PDE4D: variants seen among roughly 807,000 people sequenced by gnomAD.
PDE4D encodes the protein phosphodiesterase 4D, also known as 3',5'-cyclic-AMP phosphodiesterase 4D.
In PDE4D, 24 loss-of-function variants were observed where a neutral mutation model predicts 87.4. That is an observed-to-expected ratio of 0.27 (90% CI 0.20 to 0.39). The LOEUF (loss-of-function observed/expected upper bound fraction) is 0.39, where lower values mean the gene tolerates loss of function less well. Among genes scored for constraint, PDE4D ranks in the 10% least tolerant of loss-of-function variants. The pLI, the probability that PDE4D is intolerant of heterozygous loss-of-function variation, is 1.00. For missense variants in PDE4D, 714 were observed against 1,041.0 expected (o/e 0.69, Z 4.32); for synonymous variants, 384 against 383.2 (o/e 1.00, Z -0.02).
At chr5:59,801,573 AC>A (rs1447734427) in intron 1 of PDE4D, among the ~76,000 whole-genome samples, 3 of 152,198 alleles carry the variant, frequency 2.0e-5, no homozygotes, top group Non-Finnish European at 4.4e-5. Flanking sequence ...TCTTCATATG[AC>A]TGAAATCAAT....
intron 1 of PDE4D, among the ~76,000 whole-genome samples, chr5:59,541,141 T>G (rs549308498): frequency 1.2e-4 from 18 of 152,250 alleles, no homozygotes; most frequent in Non-Finnish European, 2.6e-4. Context: ...ACTAGGCTCT[T>G]TTAGGATGGA....
chr5:59,015,826 T>C (rs1189406410), intron 6 of PDE4D, among the ~76,000 whole-genome samples: 1 of 152,162 alleles, frequency 6.6e-6, no homozygotes, highest in Non-Finnish European at 1.5e-5. Flanking sequence ...CATTCACATG[T>C]ATGTTTACTG....
chr5:59,056,500 G>T (rs949374401), intron 5 of PDE4D, among the ~76,000 whole-genome samples: 3 of 152,024 alleles, frequency 2.0e-5, no homozygotes, highest in Non-Finnish European at 4.4e-5. Context: ...TATTACATAG[G>T]TATACATGTG....
At chr5:60,430,525 T>TG (rs1250732802) in intron 1 of PDE4D, among the ~76,000 whole-genome samples, 40 of 121,980 alleles carry the variant, frequency 3.3e-4, no homozygotes, top group African/African-American at 1.5e-3. Flanking sequence ...TTCTTTTTTG[T>TG]TTGTGTTTTG....
At chr5:59,649,817 C>A (rs1466726174) in intron 1 of PDE4D, among the ~76,000 whole-genome samples, 1 of 148,028 alleles carries the variant, frequency 6.8e-6, no homozygotes, top group African/African-American at 2.5e-5. Flanking sequence ...GACACAGTTC[C>A]ATTCTACATA....
In PDE4D at chr5:59,425,505, G is replaced by C. The variant is rs562945586; in HGVS notation, c.456-209537C>G. On this transcript the variant is annotated intron_variant, in intron 1 of 14. Transcript: ENST00000340635. ...CCCTAGACATTGCCAAATGTCCCCT[G>C]CATGAGAGGTGGAGGGTAGAATTGC... 5.3e-5 allele frequency among the ~76,000 whole-genome samples: 8 copies of C among 152,188 alleles called. No individual in the cohort carries two copies. The South Asian group carries it at 6.2e-4, about 12-fold the overall frequency.
chr5:59,731,274 C>T (rs1757324990), intron 1 of PDE4D, among the ~76,000 whole-genome samples: 1 of 151,984 alleles, frequency 6.6e-6, no homozygotes, highest in South Asian at 2.1e-4. Context: ...AGACACCATC[C>T]CTTCCTACTT....
chr5:60,395,183 C>T (rs1220329331), intron 1 of PDE4D, among the ~76,000 whole-genome samples: 2 of 152,170 alleles, frequency 1.3e-5, no homozygotes, highest in Non-Finnish European at 2.9e-5. Flanking sequence ...CCCTCCACCA[C>T]TGAGTTACAA....
intron 3 of PDE4D, among the ~76,000 whole-genome samples, chr5:59,960,666 C>T (rs1327518889): frequency 3.9e-5 from 6 of 151,996 alleles, no homozygotes; most frequent in Non-Finnish European, 7.4e-5. Flanking sequence ...TGCATACACA[C>T]ATACATAACG....
chr5:59,183,606 A>C (rs1742199424), intron 4 of PDE4D, among the ~76,000 whole-genome samples: 1 of 152,170 alleles, frequency 6.6e-6, no homozygotes, highest in Non-Finnish European at 1.5e-5. Flanking sequence ...ACAACCAGTT[A>C]ACTTCATTTC....
At chr5:59,226,701 C>T (rs1052117238) in intron 1 of PDE4D, among the ~76,000 whole-genome samples, 3 of 152,174 alleles carry the variant, frequency 2.0e-5, no homozygotes, top group Admixed American at 1.3e-4. Flanking sequence ...ATGGCCCTAA[C>T]ATGAGGCCAT....
At position 59,291,665 on chromosome 5, in the gene PDE4D, T is replaced by A. The variant is rs27395; in HGVS notation, c.456-75697A>T. Among the ~76,000 whole-genome samples, 3 of 150,950 alleles carry A rather than the reference T, an allele frequency of 2.0e-5. No individual in the cohort carries two copies. In the East Asian group the frequency reaches 5.9e-4, roughly 30 times the overall value. ...GATGTGATTATTATGCATTGTATGT[T>A]TGTATGTATTCCACAAATATATACA... On this transcript the variant is annotated intron_variant, in intron 1 of 14. Coordinates refer to ENST00000340635, the MANE Select transcript of PDE4D (RefSeq NM_001104631.2).
At chr5:59,688,918 A>C (rs1383395693) in intron 1 of PDE4D, among the ~76,000 whole-genome samples, 1 of 152,334 alleles carries the variant, frequency 6.6e-6, no homozygotes, top group East Asian at 1.9e-4. Flanking sequence ...AATACAAACT[A>C]CTATCAGAGA....
At chr5:59,797,291 C>T (rs1057450316) in intron 1 of PDE4D, among the ~76,000 whole-genome samples, 66 of 152,276 alleles carry the variant, frequency 4.3e-4, no homozygotes, top group African/African-American at 1.5e-3. Context: ...CATGGACATG[C>T]CAAAAGGCAA....
At chr5:60,370,187 G>C (rs1301963162) in intron 1 of PDE4D, among the ~76,000 whole-genome samples, 1 of 152,104 alleles carries the variant, frequency 6.6e-6, no homozygotes, top group African/African-American at 2.4e-5. Context: ...TCCTGCCCCA[G>C]AGGCCTCTGG....
At chr5:60,007,692 T>C (rs1764625418) in intron 2 of PDE4D, among the ~76,000 whole-genome samples, 1 of 152,040 alleles carries the variant, frequency 6.6e-6, no homozygotes, top group Non-Finnish European at 1.5e-5. Context: ...TCTACTTCAG[T>C]ATTTCCCTTG....
chr5:59,449,880 G>A (rs1278671372), intron 1 of PDE4D, among the ~76,000 whole-genome samples: 1 of 152,092 alleles, frequency 6.6e-6, no homozygotes, highest in Non-Finnish European at 1.5e-5. Context: ...ACTTCAATTT[G>A]TACAACACTA....
intron 1 of PDE4D, among the ~76,000 whole-genome samples, chr5:59,836,618 GTATCTATCTATCTATC>G (rs6149046): frequency 9.3e-5 from 13 of 140,372 alleles, no homozygotes; most frequent in Admixed American, 6.9e-4. Context: ...CTTCCAAGAT[GTATCTATCTATCTATC>G]TATCTATCTA....
chr5:59,669,166 G>A (rs991430686), intron 1 of PDE4D, among the ~76,000 whole-genome samples: 1 of 152,092 alleles, frequency 6.6e-6, no homozygotes, highest in South Asian at 2.1e-4. Context: ...CACGATCTTG[G>A]CTCACTGCAA....
Sources: allele counts gnomAD v4.1 joint callset (sites outside exome capture counted in the v4.1 genomes callset), GRCh38; gene constraint gnomAD v4.1.1; transcripts MANE v1.5; gene names NCBI Gene and HGNC (gene_info 2026-07-23, HGNC 2026-07-21).